Variants in KCNIP2 observed in about 807,000 individuals in gnomAD.
The protein encoded by KCNIP2 is A-type potassium channel modulatory protein KCNIP2.
In KCNIP2, 19 loss-of-function variants were observed where a neutral mutation model predicts 39.0. That is an observed-to-expected ratio of 0.49 (90% CI 0.34 to 0.71). The LOEUF (loss-of-function observed/expected upper bound fraction) is 0.71, where lower values mean the gene tolerates loss of function less well. KCNIP2 is among the 30% of genes least tolerant of loss of function. KCNIP2 has a pLI of 0.01. For synonymous variants in KCNIP2, 111 were observed against 131.2 expected (o/e 0.85, Z 1.05); for missense variants, 261 against 346.0 (o/e 0.75, Z 1.95).
chr10:101,831,742 T>C (rs1343228449), intron 1 of KCNIP2, among the ~76,000 whole-genome samples: 1 of 152,152 alleles, frequency 6.6e-6, no homozygotes, highest in Non-Finnish European at 1.5e-5. Flanking sequence ...GAGACCCATA[T>C]AGGCCATCTC....
intron 1 of KCNIP2, among the ~76,000 whole-genome samples, chr10:101,841,303 G>A (rs1192214629): frequency 6.6e-6 from 1 of 152,206 alleles, no homozygotes; most frequent in African/African-American, 2.4e-5. Context: ...TGCAGGGAAG[G>A]GGAGGCGAAG....
intron 1 of KCNIP2, among the ~76,000 whole-genome samples, chr10:101,832,204 C>T (rs2066013388): frequency 6.6e-6 from 1 of 152,120 alleles, no homozygotes; most frequent in Non-Finnish European, 1.5e-5. Flanking sequence ...CTATCCATGG[C>T]CCACTGATCA....
Position 101,827,340 on chromosome 10 carries a change from CCT to C in KCNIP2, c.*11_*12del. On this transcript the variant is annotated 3_prime_UTR_variant, in exon 10 of 10. Transcript: ENST00000356640. ...TGGTCCCCCCAGGAAACACTGACCC[CCT>C]CTCCTGGGGGCTAGATGACATTGTC... 6.3e-7 allele frequency: 1 copy of C among 1,596,908 alleles called. No homozygotes were observed.
chr10:101,835,030 C>T (rs1157098830), intron 1 of KCNIP2, among the ~76,000 whole-genome samples: 1 of 152,052 alleles, frequency 6.6e-6, no homozygotes, highest in Non-Finnish European at 1.5e-5. Flanking sequence ...CTATGGTCTG[C>T]ATGTGTAGGA....
Position 101,828,192 on chromosome 10 carries a change from T to G in KCNIP2, c.556A>C (p.Asn186His), listed in dbSNP as rs748048987. The G allele has an allele frequency of 3.7e-6, 6 of 1,614,126 alleles. No homozygotes were observed. Among genetic ancestry groups the G allele is most frequent in the Non-Finnish European group, 5.1e-6 (6 of 1,180,026 alleles). ...CCGTCCTTGTTAAGGTCATACAGGT[T>G]GAAGGCCCAATTAAGCCTGTCATCT... is the stretch of plus-strand genomic sequence containing the variant. ...TVDDRLNWAF[N>H]LYDLNKDGCI... The change falls in exon 7 of 10, where the codon AAC becomes CAC. Residue 186 changes from asparagine to histidine, a missense_variant. By Grantham distance (68) the Asn-to-His change is moderately conservative. Coordinates refer to ENST00000356640, the MANE Select transcript of KCNIP2 (RefSeq NM_173191.3). This position sits in a 1 kb window ranked among gnomAD's most constrained non-coding sequence, Gnocchi z 6.6.
At chr10:101,839,664 G>T (rs1362015033) in intron 1 of KCNIP2, 1 of 1,180,852 alleles carries the variant, frequency 8.5e-7, no homozygotes, top group Non-Finnish European at 1.3e-6. Flanking sequence ...TATTTGAGGG[G>T]CCCTTCCCTC....
At chr10:101,827,441 A>C in intron 9 of KCNIP2, 41 bp from the exon 10 acceptor site, 1 of 1,581,354 alleles carries the variant, frequency 6.3e-7, no homozygotes, top group Non-Finnish European at 8.7e-7. Context: ...AAGAGAGAGA[A>C]AGAGAAGGAG....
intron 1 of KCNIP2, among the ~76,000 whole-genome samples, chr10:101,835,586 ACCTTCTAAGGGAGCCACC>A (rs2066128355): frequency 6.6e-6 from 1 of 151,502 alleles, no homozygotes; most frequent in Non-Finnish European, 1.5e-5. Flanking sequence ...GGAAATCTGA[ACCTTCTAAGGGAGCCACC>A]CCTCCCAGCC....
chr10:101,831,253 C>A, intron 1 of KCNIP2, 86 bp from the exon 2 acceptor site: 1 of 1,058,122 alleles, frequency 9.5e-7, no homozygotes. Context: ...CACAAATCAA[C>A]CCCATCTGGG....
chr10:101,841,421 T>A (rs4405246), intron 1 of KCNIP2, among the ~76,000 whole-genome samples: 1 of 152,214 alleles, frequency 6.6e-6, no homozygotes, highest in African/African-American at 2.4e-5. Context: ...GGAGTCTTCG[T>A]TGACACTGGC....
chr10:101,842,252 A>C (rs1008745075), intron 1 of KCNIP2, among the ~76,000 whole-genome samples: 7 of 152,088 alleles, frequency 4.6e-5, no homozygotes, highest in Non-Finnish European at 1.0e-4. Flanking sequence ...CATACATGGA[A>C]ATGTACCCAG....
intron 1 of KCNIP2, among the ~76,000 whole-genome samples, chr10:101,831,946 T>C (rs143620177): frequency 1.6e-4 from 24 of 152,302 alleles, no homozygotes; most frequent in African/African-American, 4.6e-4. Context: ...TGTACCTCAA[T>C]ACCTCACCCA....
Position 101,829,936 on chromosome 10 carries a change from C to G in KCNIP2, c.170-39G>C, listed in dbSNP as rs185283450. 9.6e-5 allele frequency: 148 copies of G among 1,541,234 alleles called. No homozygotes were observed. In the East Asian group the frequency reaches 3.1e-3, roughly 32 times the overall value. On this transcript the variant is annotated intron_variant, in intron 2 of 9. Coordinates refer to ENST00000356640, the MANE Select transcript of KCNIP2 (RefSeq NM_173191.3). ...ACTGTCACCGAGAAAGCGGAAGACC[C>G]GGCCAACTGCAGACACACACCTGGC...
intron 2 of KCNIP2, among the ~76,000 whole-genome samples, chr10:101,830,263 G>C (rs1303980370): frequency 6.6e-6 from 1 of 152,162 alleles, no homozygotes; most frequent in East Asian, 1.9e-4. Flanking sequence ...ACTCAGCAGG[G>C]GACCAGGCTG....
chr10:101,831,229 C>T, intron 1 of KCNIP2, 62 bp from the exon 2 acceptor site: 1 of 1,245,164 alleles, frequency 8.0e-7, no homozygotes, highest in Non-Finnish European at 1.1e-6. Context: ...GTTCCCTGTC[C>T]CCTCCCCGCC....
In KCNIP2 at chr10:101,843,356, C is replaced by CAAA. The variant is rs2066388576; in HGVS notation, c.73+139_73+140insTTT. 13 of 480,306 alleles carry CAAA rather than the reference C, an allele frequency of 2.7e-5. No homozygotes were observed. Among genetic ancestry groups the CAAA allele is most frequent in the Non-Finnish European group, 4.6e-5 (13 of 282,168 alleles). 29.8% of individuals were successfully genotyped at this position (480,306 alleles called of 1,614,324 possible). A position where few individuals can be genotyped will look rare whatever the true frequency, so the allele number is the denominator to read the frequency against. Reference sequence around the variant, plus strand: ...ACCCAAGGCTTTGAACCCCCAGTGTCCTGCCGCCCAGACCGGCCATAAGAG... The same window carrying CAAA: ...ACCCAAGGCTTTGAACCCCCAGTGTCAAACTGCCGCCCAGACCGGCCATAAGAG... On this transcript the variant is annotated intron_variant, in intron 1 of 9. Coordinates refer to ENST00000356640, the MANE Select transcript of KCNIP2 (RefSeq NM_173191.3). This position sits in a 1 kb window ranked among gnomAD's most constrained non-coding sequence, Gnocchi z 6.7.
At chr10:101,827,490 G>C (rs891602139) in intron 9 of KCNIP2, 90 bp from the exon 10 acceptor site, 27 of 1,434,794 alleles carry the variant, frequency 1.9e-5, no homozygotes, top group Non-Finnish European at 2.2e-5. Context: ...AGTCACAGAC[G>C]GGGACATTCA....
intron 2 of KCNIP2, among the ~76,000 whole-genome samples, chr10:101,830,617 A>G (rs1471813870): frequency 6.6e-6 from 1 of 151,704 alleles, no homozygotes; most frequent in African/African-American, 2.4e-5. Flanking sequence ...GCACACGCAC[A>G]CAGTAGCCAC....
intron 3 of KCNIP2, chr10:101,829,444 GC>G (rs1465395989): frequency 2.0e-6 from 1 of 509,342 alleles, no homozygotes; most frequent in African/African-American, 2.0e-5. Flanking sequence ...CTCAGTGCTC[GC>G]CCCGCGGCCC....
Sources: gnomAD v4.1 joint callset for allele counts (sites outside exome capture counted in the v4.1 genomes callset) on GRCh38, gnomAD v4.1.1 for gene constraint, Gnocchi (gnomAD v3.1) non-coding constraint, MANE v1.5 for transcripts, NCBI Gene and HGNC (gene_info 2026-07-23, HGNC 2026-07-21) for gene names.